NLK: variants seen among roughly 807,000 people sequenced by gnomAD.
NLK encodes nemo like kinase, also known as serine/threonine-protein kinase NLK.
Under a neutral mutation model 59.0 loss-of-function variants are expected in NLK, and 11 were observed. That is an observed-to-expected ratio of 0.19 (90% confidence interval 0.12 to 0.31). The LOEUF (loss-of-function observed/expected upper bound fraction) is 0.31. Ranked by LOEUF, NLK falls within the 10% of genes least tolerant of loss-of-function variation. The pLI is 1.00. For missense variants in NLK, 410 were observed against 661.1 expected, an observed-to-expected ratio of 0.62 and a Z score of 4.16; for synonymous variants, 235 against 235.9, an observed-to-expected ratio of 1.00 and a Z score of 0.03.
intron 1 of NLK, among the ~76,000 whole-genome samples, chr17:28,111,336 G>A (rs1349091660): frequency 6.6e-6 from 1 of 151,382 alleles, no homozygotes; most frequent in African/African-American, 2.4e-5. Context: ...ACAGATGCAT[G>A]CCACCATGCC....
Position 28,185,229 on chromosome 17 carries a change from T to C in NLK, c.1200T>C (p.Ala400=), listed in dbSNP as rs140855665. The C allele has an allele frequency of 3.2e-4, 503 of 1,595,008 alleles. 1 individual carries two copies. Among genetic ancestry groups the C allele is most frequent in the Admixed American group, 7.4e-4 (43 of 57,792 alleles). ...YTLSSQATHE[A]VHLLCRMLVF... is the part of the protein sequence containing the mutation. ...TGTCTAGCCAGGCTACACATGAAGC[T>C]GTTCATCTCCTTTGCAGGATGTTGG... Residue 400 remains alanine (A), a synonymous_variant, in exon 8 of 11, where the codon GCT becomes GCC. Coordinates refer to ENST00000407008, the MANE Select transcript of NLK (RefSeq NM_016231.5).
At chr17:28,149,570 C>T (rs1264162296) in intron 3 of NLK, among the ~76,000 whole-genome samples, 1 of 152,146 alleles carries the variant, frequency 6.6e-6, no homozygotes, top group Non-Finnish European at 1.5e-5. Context: ...AGAGATTTAT[C>T]TCTTTAGAAG....
rs184660233 is a variant in NLK, at chr17:28,183,410, C to G, written c.1150-1769C>G. On this transcript the variant is annotated intron_variant, in intron 7 of 10. Transcript: ENST00000407008. The stretch of plus-strand genomic sequence containing the variant: ...GTGGCATAAGCACAGCTTACTACAG[C>G]CTGAACCTCCCAGGTTCAAGCAATC... Among the ~76,000 whole-genome samples, 9 of 152,290 alleles carry G rather than the reference C, an allele frequency of 5.9e-5. No individual in the cohort carries two copies. In the East Asian group the frequency reaches 1.5e-3, roughly 26 times the overall value.
At chr17:28,086,492 G>C (rs748886572) in intron 1 of NLK, among the ~76,000 whole-genome samples, 1 of 151,796 alleles carries the variant, frequency 6.6e-6, no homozygotes, top group Non-Finnish European at 1.5e-5. Flanking sequence ...CTAAGATTAA[G>C]AGCTGATGTA....
At chr17:28,067,480 A>G (rs1909868519) in intron 1 of NLK, among the ~76,000 whole-genome samples, 2 of 151,974 alleles carry the variant, frequency 1.3e-5, no homozygotes, top group African/African-American at 4.8e-5. Flanking sequence ...TGCAATTTAT[A>G]TCTCCAGTAT....
chr17:28,095,835 T>G (rs945011044), intron 1 of NLK, among the ~76,000 whole-genome samples: 54 of 152,318 alleles, frequency 3.5e-4, no homozygotes, highest in African/African-American at 1.0e-3. Context: ...ACTGTAAGTA[T>G]TCTAGGATTT....
At chr17:28,157,659 AAAAAG>A (rs1907828615) in intron 3 of NLK, among the ~76,000 whole-genome samples, 1 of 152,172 alleles carries the variant, frequency 6.6e-6, no homozygotes, top group Non-Finnish European at 1.5e-5. Context: ...GTTACTTAAA[AAAAAG>A]AATAAGAAGA....
chr17:28,059,301 A>AT (rs1055567706), intron 1 of NLK, among the ~76,000 whole-genome samples: 8 of 151,098 alleles, frequency 5.3e-5, no homozygotes, highest in South Asian at 2.1e-4. Context: ...TGGATTTTTT[A>AT]TTTTTTTTTA....
At chr17:28,182,849 A>G (rs1258444511) in intron 7 of NLK, among the ~76,000 whole-genome samples, 2 of 152,234 alleles carry the variant, frequency 1.3e-5, no homozygotes, top group African/African-American at 4.8e-5. Context: ...CGGTTCACAG[A>G]TGGCTTTTTA....
chr17:28,079,000 C>CA (rs1174540874), intron 1 of NLK, among the ~76,000 whole-genome samples: 2 of 152,114 alleles, frequency 1.3e-5, no homozygotes, highest in African/African-American at 4.8e-5. Flanking sequence ...TTTCATCTTG[C>CA]AAAACTGAAA....
intron 7 of NLK, among the ~76,000 whole-genome samples, chr17:28,176,793 C>T (rs182854037): frequency 2.2e-4 from 33 of 152,142 alleles, no homozygotes; most frequent in East Asian, 5.8e-4. Flanking sequence ...AATATCTTTC[C>T]GGATATATAT....
At chr17:28,141,589 T>C (rs1032479449) in intron 3 of NLK, among the ~76,000 whole-genome samples, 3 of 152,194 alleles carry the variant, frequency 2.0e-5, no homozygotes, top group Non-Finnish European at 4.4e-5. Flanking sequence ...TGACACCAAA[T>C]TGTCTAGATA....
At chr17:28,179,821 C>G (rs1228403586) in intron 7 of NLK, among the ~76,000 whole-genome samples, 2 of 149,524 alleles carry the variant, frequency 1.3e-5, no homozygotes, top group African/African-American at 4.9e-5. Flanking sequence ...GTTATGATTA[C>G]AGGCATGAGC....
intron 1 of NLK, among the ~76,000 whole-genome samples, chr17:28,050,208 C>T (rs1909199710): frequency 6.6e-6 from 1 of 152,020 alleles, no homozygotes; most frequent in Admixed American, 6.6e-5. Flanking sequence ...GGTCAGGATG[C>T]TTCCTAAAAT....
chr17:28,052,418 A>T (rs1909290328), intron 1 of NLK, among the ~76,000 whole-genome samples: 1 of 152,186 alleles, frequency 6.6e-6, no homozygotes, highest in South Asian at 2.1e-4. Flanking sequence ...TAAGAGAGTT[A>T]CTAGTTTGCA....
At chr17:28,089,736 T>G (rs1218426317) in intron 1 of NLK, among the ~76,000 whole-genome samples, 2 of 152,176 alleles carry the variant, frequency 1.3e-5, no homozygotes, top group Non-Finnish European at 2.9e-5. Context: ...TTAGTATGGT[T>G]AGTTTTTTAA....
chr17:28,096,581 A>T (rs1904708684), intron 1 of NLK, among the ~76,000 whole-genome samples: 1 of 152,164 alleles, frequency 6.6e-6, no homozygotes, highest in African/African-American at 2.4e-5. Context: ...GAACTTTAAT[A>T]TTGGAATCCT....
At chr17:28,123,513 A>G (rs1402928365) in intron 2 of NLK, among the ~76,000 whole-genome samples, 1 of 152,216 alleles carries the variant, frequency 6.6e-6, no homozygotes, top group Non-Finnish European at 1.5e-5. Context: ...GCCGAGGAAT[A>G]ATACTAATAT....
chr17:28,202,384 C>T, the NLK span, among the ~76,000 whole-genome samples: 1 of 151,066 alleles, frequency 6.6e-6, no homozygotes, highest in South Asian at 2.1e-4. Flanking sequence ...CGGTCTCAAA[C>T]TCCTGACCCC....
Sources: gnomAD v4.1 joint callset for allele counts (sites outside exome capture counted in the v4.1 genomes callset) on GRCh38, gnomAD v4.1.1 for gene constraint, MANE v1.5 for transcripts, NCBI Gene and HGNC (gene_info 2026-07-23, HGNC 2026-07-21) for gene names.